Variants in KHDRBS2 observed in about 807,000 individuals in gnomAD.
KHDRBS2 encodes the protein KH domain-containing, RNA-binding, signal transduction-associated protein 2.
KHDRBS2 carries 26 observed loss-of-function variants against 44.3 expected under a neutral mutation model. The ratio of observed to expected loss-of-function variants is 0.59; its 90% CI spans 0.43 to 0.81. KHDRBS2 has a LOEUF of 0.81. Ranked by LOEUF, KHDRBS2 falls within the 40% of genes least tolerant of loss-of-function variation. KHDRBS2 has a pLI of 0.00. For synonymous variants in KHDRBS2, 194 were observed against 151.1 expected, an observed-to-expected ratio of 1.28 and a Z score of -2.08; for missense variants, 476 against 433.1, an observed-to-expected ratio of 1.10 and a Z score of -0.88.
At chr6:61,649,774 ACACTCAAGG>A in the KHDRBS2 span, among the ~76,000 whole-genome samples, 1 of 152,128 alleles carries the variant, frequency 6.6e-6, no homozygotes, top group Non-Finnish European at 1.5e-5. Flanking sequence ...TACATAACCA[ACACTCAAGG>A]CTAAGCTACA....
rs371770610 is a variant in KHDRBS2 at position 62,058,800 on chromosome 6, T to C, written c.220-10806A>G. 1.5e-3 allele frequency among the ~76,000 whole-genome samples: 221 copies of C among 151,758 alleles called. 1 individual carries two copies. Among genetic ancestry groups the C allele is most frequent in the African/African-American group, 5.0e-3 (207 of 41,442 alleles). On this transcript the variant is annotated intron_variant, in intron 2 of 8. Coordinates refer to ENST00000281156, the MANE Select transcript of KHDRBS2 (RefSeq NM_152688.4). ...GAAAACCAATCCCAGTGTAGCAAAA[T>C]AGACAATGATGAGTATTGAAGAAAA...
At chr6:62,111,963 GA>G (rs759495590) in intron 2 of KHDRBS2, among the ~76,000 whole-genome samples, 2 of 152,100 alleles carry the variant, frequency 1.3e-5, no homozygotes, top group Non-Finnish European at 2.9e-5. Flanking sequence ...TTGGGTCCAA[GA>G]AATTTGGATT....
chr6:62,008,254 G>T (rs1217374602), intron 3 of KHDRBS2, among the ~76,000 whole-genome samples: 1 of 152,004 alleles, frequency 6.6e-6, no homozygotes. Context: ...AAGTGCTTAG[G>T]GTTTTGTCAC....
intron 6 of KHDRBS2, among the ~76,000 whole-genome samples, chr6:61,738,555 G>T (rs1397980916): frequency 1.3e-5 from 2 of 151,970 alleles, no homozygotes; most frequent in Non-Finnish European, 2.9e-5. Context: ...GGTCTAAAAT[G>T]AAGGCCTGAG....
the KHDRBS2 span, among the ~76,000 whole-genome samples, chr6:61,609,457 A>AATT: frequency 4.0e-4 from 61 of 152,354 alleles, 1 homozygote; most frequent in Middle Eastern, 3.4e-3. Context: ...AGCTATTTAT[A>AATT]ATGTTGGTGA....
intron 2 of KHDRBS2, among the ~76,000 whole-genome samples, chr6:62,115,914 A>G (rs1258945476): frequency 6.6e-6 from 1 of 152,160 alleles, no homozygotes; most frequent in Admixed American, 6.6e-5. Context: ...TCTCTTAAAT[A>G]AAACATGGAG....
chr6:61,862,658 G>A (rs1412960851), intron 6 of KHDRBS2, among the ~76,000 whole-genome samples: 1 of 151,998 alleles, frequency 6.6e-6, no homozygotes, highest in Admixed American at 6.6e-5. Context: ...CTTGCGTCCT[G>A]AAGATGAAGC....
chr6:61,827,973 T>C (rs1210132291), intron 6 of KHDRBS2, among the ~76,000 whole-genome samples: 4 of 152,176 alleles, frequency 2.6e-5, no homozygotes. Flanking sequence ...AGGTATAAAG[T>C]GGAGATTCTG....
chr6:61,981,618 G>T (rs1773862275), intron 3 of KHDRBS2, among the ~76,000 whole-genome samples: 1 of 152,058 alleles, frequency 6.6e-6, no homozygotes, highest in Admixed American at 6.6e-5. Context: ...ATTTAATGCA[G>T]TGTTCAATCT....
At position 61,899,678 on chromosome 6, in the gene KHDRBS2, T is replaced by G. The variant is rs1803563140; in HGVS notation, c.611+1566A>C. Among the ~76,000 whole-genome samples the G allele has an allele frequency of 2.6e-5, 4 of 151,196 alleles. No homozygotes were observed. In the South Asian group the frequency reaches 8.3e-4, roughly 31 times the overall value. On this transcript the variant is annotated intron_variant, in intron 5 of 8. Transcript: ENST00000281156. ...AACGGATATCCATAACAAAGCAAAA[T>G]CTATTACTATGATGATTTCATAAAA...
chr6:62,059,733 G>C (rs374113206), intron 2 of KHDRBS2, among the ~76,000 whole-genome samples: 1 of 151,806 alleles, frequency 6.6e-6, no homozygotes, highest in African/African-American at 2.4e-5. Context: ...TATATACGTT[G>C]TAATTTTCTA....
At chr6:62,151,635 G>A (rs1249215201) in intron 2 of KHDRBS2, among the ~76,000 whole-genome samples, 3 of 152,212 alleles carry the variant, frequency 2.0e-5, no homozygotes, top group Admixed American at 6.5e-5. Flanking sequence ...AACCTCTGAA[G>A]GAAGTGGCAG....
rs372229062 is a variant in KHDRBS2 at position 62,246,088 on chromosome 6, T to G, written c.91+39770A>C. On this transcript the variant is annotated intron_variant, in intron 1 of 8. Transcript: ENST00000281156. ...TATGAGTTCTACAGCATAGAAACAT[T>G]AATTCAATCAATTTTATATATATAT... Among the ~76,000 whole-genome samples the G allele has an allele frequency of 2.2e-3, 273 of 124,222 alleles. 8 individuals are homozygous for G. The South Asian group carries it at 0.071, about 32-fold the overall frequency. The allele number at this position is 124,222 out of a possible 152,430, so 81.5% of individuals were successfully genotyped here. A position where few individuals can be genotyped will look rare whatever the true frequency, so the allele number is the denominator to read the frequency against.
chr6:62,087,164 AGTT>A (rs1798550650), intron 2 of KHDRBS2, among the ~76,000 whole-genome samples: 1 of 152,284 alleles, frequency 6.6e-6, no homozygotes, highest in Non-Finnish European at 1.5e-5. Flanking sequence ...AGTCTCATGC[AGTT>A]ATTATAACTT....
intron 3 of KHDRBS2, among the ~76,000 whole-genome samples, chr6:62,000,938 G>A (rs1164252312): frequency 6.6e-6 from 1 of 152,136 alleles, no homozygotes; most frequent in African/African-American, 2.4e-5. Context: ...AATATGTTTA[G>A]TTGACATACA....
At chr6:61,856,068 C>T (rs1796107417) in intron 6 of KHDRBS2, among the ~76,000 whole-genome samples, 1 of 152,150 alleles carries the variant, frequency 6.6e-6, no homozygotes, top group African/African-American at 2.4e-5. Context: ...TCTTCCTAGT[C>T]TCACTGTCTT....
At chr6:61,737,732 G>T (rs1283882922) in intron 6 of KHDRBS2, among the ~76,000 whole-genome samples, 3 of 152,014 alleles carry the variant, frequency 2.0e-5, no homozygotes, top group African/African-American at 7.2e-5. Context: ...GCTTTATTCT[G>T]TCTGCATTCA....
rs1423819873 is a variant in KHDRBS2 at position 62,114,702 on chromosome 6, C to T, written c.219+62483G>A. 8.6e-5 allele frequency among the ~76,000 whole-genome samples: 13 copies of T among 151,130 alleles called. No homozygotes were observed. The South Asian group carries it at 1.9e-3, about 22-fold the overall frequency. On this transcript the variant is annotated intron_variant, in intron 2 of 8. Coordinates refer to ENST00000281156, the MANE Select transcript of KHDRBS2 (RefSeq NM_152688.4). ...ACTTTACATATACTAAATACATTAA[C>T]ATAGTAACAGTTATATTTTGCCCAT...
chr6:61,563,611 G>A, the KHDRBS2 span, among the ~76,000 whole-genome samples: 16 of 152,098 alleles, frequency 1.1e-4, no homozygotes, highest in African/African-American at 3.1e-4. Flanking sequence ...AGTCACAGTC[G>A]ATGGAATATG....
Sources: gnomAD v4.1 joint callset for allele counts (sites outside exome capture counted in the v4.1 genomes callset) on GRCh38, gnomAD v4.1.1 for gene constraint, MANE v1.5 for transcripts, NCBI Gene and HGNC (gene_info 2026-07-23, HGNC 2026-07-21) for gene names.